PRELID2: variants seen among roughly 807,000 people sequenced by gnomAD.
PRELID2 encodes the protein PRELI domain-containing protein 2.
PRELID2 carries 25 observed loss-of-function variants against 28.4 expected under a neutral mutation model. The observed-to-expected ratio is 0.88, with a 90% CI of 0.64 to 1.23. The LOEUF is 1.23. Among genes scored for constraint, PRELID2 ranks in the 50% most tolerant of loss-of-function variants. The pLI is 0.00. For missense variants in PRELID2, 201 were observed against 214.4 expected, an observed-to-expected ratio of 0.94 and a Z score of 0.39; for synonymous variants, 76 against 71.6, an observed-to-expected ratio of 1.06 and a Z score of -0.31.
At chr5:145,828,793 C>T (rs1283447044) in intron 1 of PRELID2, among the ~76,000 whole-genome samples, 1 of 150,216 alleles carries the variant, frequency 6.7e-6, no homozygotes, top group East Asian at 2.0e-4. Flanking sequence ...CAGTGAACTC[C>T]TTGAAGACAG....
the PRELID2 span, among the ~76,000 whole-genome samples, chr5:145,237,535 C>T: frequency 6.6e-6 from 1 of 152,046 alleles, no homozygotes; most frequent in Non-Finnish European, 1.5e-5. Flanking sequence ...ATGTCTGCCA[C>T]GAGCATGAAA....
the PRELID2 span, among the ~76,000 whole-genome samples, chr5:145,239,547 AATAAAT>A: frequency 4.7e-4 from 71 of 152,176 alleles, no homozygotes; most frequent in Middle Eastern, 3.4e-3. Flanking sequence ...ATGCAATTAT[AATAAAT>A]ATAATGCAAT....
At chr5:145,688,995 T>C (rs562530631) in intron 1 of PRELID2, among the ~76,000 whole-genome samples, 5 of 152,302 alleles carry the variant, frequency 3.3e-5, no homozygotes, top group Admixed American at 6.5e-5. Flanking sequence ...TATTGGACAA[T>C]TGGGAGATCC....
At chr5:145,503,354 A>G (rs890123432) in intron 1 of PRELID2, among the ~76,000 whole-genome samples, 1 of 152,212 alleles carries the variant, frequency 6.6e-6, no homozygotes, top group Non-Finnish European at 1.5e-5. Context: ...AGAGTGAAAG[A>G]GTACACACTA....
At chr5:145,633,130 T>C in intron 1 of PRELID2, among the ~76,000 whole-genome samples, 1 of 152,116 alleles carries the variant, frequency 6.6e-6, no homozygotes, top group East Asian at 1.9e-4. Context: ...AGCCTCCAAA[T>C]GAGGACACAG....
chr5:145,703,478 G>A (rs147393262), intron 1 of PRELID2, among the ~76,000 whole-genome samples: 1 of 152,122 alleles, frequency 6.6e-6, no homozygotes, highest in African/African-American at 2.4e-5. Flanking sequence ...CCAGTTTCAA[G>A]CCACACATGC....
the PRELID2 span, among the ~76,000 whole-genome samples, chr5:145,289,152 T>C: frequency 6.6e-6 from 1 of 152,146 alleles, no homozygotes; most frequent in Admixed American, 6.6e-5. Context: ...TTTTTTTTAA[T>C]GTGCATACAT....
chr5:145,247,222 C>T, the PRELID2 span, among the ~76,000 whole-genome samples: 2 of 152,100 alleles, frequency 1.3e-5, no homozygotes, highest in Non-Finnish European at 2.9e-5. Context: ...TGCAACGTGA[C>T]CAATCATCAC....
the PRELID2 span, among the ~76,000 whole-genome samples, chr5:145,342,517 T>TTA: frequency 2.0e-5 from 3 of 152,140 alleles, no homozygotes; most frequent in South Asian, 6.2e-4. Context: ...ATGGATTAAA[T>TTA]TATCCACTGA....
At chr5:145,741,036 A>C (rs1383879127) in intron 1 of PRELID2, among the ~76,000 whole-genome samples, 3 of 117,704 alleles carry the variant, frequency 2.5e-5, no homozygotes, top group African/African-American at 1.0e-4. Flanking sequence ...TATATTATAT[A>C]TTTGTATACA....
chr5:145,248,174 C>T, the PRELID2 span, among the ~76,000 whole-genome samples: 1 of 152,006 alleles, frequency 6.6e-6, no homozygotes, highest in Non-Finnish European at 1.5e-5. Flanking sequence ...ACAGTAAGTA[C>T]AAATGCAAAA....
chr5:145,453,736 T>C, the PRELID2 span, among the ~76,000 whole-genome samples: 1 of 152,156 alleles, frequency 6.6e-6, no homozygotes, highest in Non-Finnish European at 1.5e-5. Flanking sequence ...GTTCCTGTGT[T>C]AGTTTGCTGA....
intron 1 of PRELID2, among the ~76,000 whole-genome samples, chr5:145,620,336 C>A (rs1229208458): frequency 1.3e-5 from 2 of 152,156 alleles, no homozygotes; most frequent in Non-Finnish European, 2.9e-5. Context: ...TATCAGTATA[C>A]ATTTGTCCGA....
the PRELID2 span, among the ~76,000 whole-genome samples, chr5:145,359,413 T>C: frequency 2.0e-5 from 3 of 152,146 alleles, no homozygotes; most frequent in Admixed American, 6.5e-5. Context: ...GGAAATGAGA[T>C]TGGCTATTTA....
chr5:145,345,117 A>C, the PRELID2 span, among the ~76,000 whole-genome samples: 51 of 152,132 alleles, frequency 3.4e-4, no homozygotes, highest in Middle Eastern at 3.4e-3. Flanking sequence ...TTACTCCAGC[A>C]CTTTTCTGTT....
chr5:145,408,423 AATATATATGTATAAC>A, the PRELID2 span, among the ~76,000 whole-genome samples: 2 of 144,824 alleles, frequency 1.4e-5, no homozygotes, highest in South Asian at 2.1e-4. Flanking sequence ...ATATATGTAT[AATATATATGTATAAC>A]ATATATATGT....
At chr5:145,334,998 C>T in the PRELID2 span, among the ~76,000 whole-genome samples, 3 of 151,986 alleles carry the variant, frequency 2.0e-5, no homozygotes, top group African/African-American at 7.2e-5. Flanking sequence ...TAAACCTGGA[C>T]ATCCTACCCT....
the PRELID2 span, among the ~76,000 whole-genome samples, chr5:145,291,595 G>A: frequency 6.6e-6 from 1 of 152,060 alleles, no homozygotes; most frequent in Non-Finnish European, 1.5e-5. Flanking sequence ...GTGATGCTTC[G>A]TTATGGCAGC....
intron 1 of PRELID2, among the ~76,000 whole-genome samples, chr5:145,589,740 G>A (rs895246581): frequency 4.6e-5 from 7 of 151,898 alleles, no homozygotes; most frequent in African/African-American, 1.7e-4. Flanking sequence ...TTCTTATACT[G>A]ATTTCATGTT....
Sources: gnomAD v4.1 joint callset for allele counts (sites outside exome capture counted in the v4.1 genomes callset) on GRCh38, gnomAD v4.1.1 for gene constraint, MANE v1.5 for transcripts, NCBI Gene and HGNC (gene_info 2026-07-23, HGNC 2026-07-21) for gene names.